EYA4: variants seen among roughly 807,000 people sequenced by gnomAD.
EYA4 encodes the protein protein phosphatase EYA4.
EYA4 carries 31 observed loss-of-function variants against 87.9 expected under a neutral mutation model. The ratio of observed to expected loss-of-function variants is 0.35; its 90% CI spans 0.27 to 0.48. The LOEUF (loss-of-function observed/expected upper bound fraction) is 0.48. Among genes scored for constraint, EYA4 ranks in the 20% least tolerant of loss-of-function variants. The probability of loss-of-function intolerance (pLI) is 0.99; values close to 1 mark genes in which losing one functional copy is unlikely to be tolerated. For synonymous variants in EYA4, 263 were observed against 270.6 expected, an observed-to-expected ratio of 0.97 and a Z score of 0.28; for missense variants, 678 against 761.4, an observed-to-expected ratio of 0.89 and a Z score of 1.29.
At chr6:133,356,026 G>A (rs1783994771) in intron 2 of EYA4, among the ~76,000 whole-genome samples, 1 of 145,210 alleles carries the variant, frequency 6.9e-6, no homozygotes, top group Admixed American at 6.8e-5. Context: ...GGTTAGGGGT[G>A]GGGAGAGAGA....
At chr6:133,301,110 C>T (rs1011554547) in intron 2 of EYA4, among the ~76,000 whole-genome samples, 1 of 151,950 alleles carries the variant, frequency 6.6e-6, no homozygotes, top group Admixed American at 6.6e-5. Flanking sequence ...CGCTGATGAA[C>T]AGGATGTGTG....
At chr6:133,508,395 A>AT (rs1162769357) in intron 14 of EYA4, among the ~76,000 whole-genome samples, 2 of 152,146 alleles carry the variant, frequency 1.3e-5, no homozygotes, top group African/African-American at 4.8e-5. Context: ...CACAACTTGA[A>AT]TTTTTTACAT....
intron 3 of EYA4, among the ~76,000 whole-genome samples, chr6:133,397,527 A>G (rs1387023031): frequency 6.6e-6 from 1 of 152,208 alleles, no homozygotes; most frequent in African/African-American, 2.4e-5. Context: ...TTTGAGGAAT[A>G]TTGGGAATAG....
intron 2 of EYA4, among the ~76,000 whole-genome samples, chr6:133,302,040 G>A (rs995933245): frequency 4.6e-5 from 7 of 152,104 alleles, no homozygotes; most frequent in Non-Finnish European, 8.8e-5. Flanking sequence ...CCAGATATTC[G>A]GGGAAGTGAG....
At chr6:133,361,807 T>C (rs1216831364) in intron 2 of EYA4, among the ~76,000 whole-genome samples, 2 of 152,172 alleles carry the variant, frequency 1.3e-5, no homozygotes, top group African/African-American at 4.8e-5. Context: ...GGAGAGATGA[T>C]TGTAATCCAA....
chr6:133,252,272 G>T (rs867164483), intron 1 of EYA4, among the ~76,000 whole-genome samples: 1 of 152,184 alleles, frequency 6.6e-6, no homozygotes, highest in African/African-American at 2.4e-5. Flanking sequence ...AACTGCTGAA[G>T]ATTAAAATAC....
intron 19 of EYA4, chr6:133,525,840 T>C: frequency 2.2e-6 from 2 of 920,712 alleles, no homozygotes; most frequent in Non-Finnish European, 2.6e-6. Context: ...GAGATTTTAA[T>C]AAGTGCTACT....
At position 133,356,746 on chromosome 6, in the gene EYA4, AGTGTGTGTGTGTGTGT is replaced by A. The variant is rs58234857; in HGVS notation, c.34-25615_34-25600del. Among the ~76,000 whole-genome samples, 448 of 136,858 alleles carry A rather than the reference AGTGTGTGTGTGTGTGT, an allele frequency of 3.3e-3. 2 individuals are homozygous for A. Among genetic ancestry groups the A allele is most frequent in the African/African-American group, 0.01 (368 of 36,464 alleles). 89.8% of individuals were successfully genotyped at this position (136,858 alleles called of 152,430 possible). A position where few individuals can be genotyped will look rare whatever the true frequency, so the allele number is the denominator to read the frequency against. The stretch of plus-strand genomic sequence containing the variant: ...CATTTGAAGTGTCAAAGCATTATTC[AGTGTGTGTGTGTGTGT>A]GTGTGTGTGTGTGTGTGTGTGTGTG... On this transcript the variant is annotated intron_variant, in intron 2 of 19. Transcript: ENST00000355286.
intron 2 of EYA4, among the ~76,000 whole-genome samples, chr6:133,286,790 T>A (rs1229740519): frequency 1.3e-5 from 2 of 152,218 alleles, no homozygotes; most frequent in Non-Finnish European, 2.9e-5. Flanking sequence ...TTTCATTGCT[T>A]TGTTTGTAGA....
At chr6:133,434,997 G>GA (rs1346075488) in intron 3 of EYA4, 2 of 152,164 alleles carry the variant, frequency 1.3e-5, no homozygotes, top group African/African-American at 2.4e-5. Context: ...ATAATGCTTG[G>GA]AAAATCCATT....
rs757084701 is a variant in EYA4, at chr6:133,525,036, G to A, written c.1739-118G>A. 68 of 1,613,396 alleles carry A rather than the reference G, an allele frequency of 4.2e-5. No individual in the cohort carries two copies. Among genetic ancestry groups the A allele is most frequent in the Middle Eastern group, 1.6e-4 (1 of 6,078 alleles). On this transcript the variant is annotated intron_variant, in intron 18 of 19. Transcript: ENST00000355286. ...TCAGGCAAGGAAAGCTGTTTTGAGC[G>A]TATAGTGTCCAGATTTGGCACTAAC... is the stretch of plus-strand genomic sequence containing the variant.
intron 11 of EYA4, among the ~76,000 whole-genome samples, chr6:133,479,947 A>AGAT (rs1796063515): frequency 6.6e-6 from 1 of 152,194 alleles, no homozygotes; most frequent in South Asian, 2.1e-4. Context: ...TCAGAGTTTT[A>AGAT]GATATCTATG....
At chr6:133,420,057 GA>G (rs1183659831) in intron 3 of EYA4, among the ~76,000 whole-genome samples, 1 of 152,036 alleles carries the variant, frequency 6.6e-6, no homozygotes, top group African/African-American at 2.4e-5. Context: ...AAAGCTGTAG[GA>G]ACCTATTTGG....
intron 1 of EYA4, among the ~76,000 whole-genome samples, chr6:133,243,101 T>TGTGC (rs927283001): frequency 4.6e-5 from 7 of 151,374 alleles, no homozygotes; most frequent in African/African-American, 1.7e-4. Context: ...TGTGTGTGTG[T>TGTGC]GTGTGTGTGT....
At chr6:133,326,642 C>G (rs1328284875) in intron 2 of EYA4, among the ~76,000 whole-genome samples, 1 of 152,226 alleles carries the variant, frequency 6.6e-6, no homozygotes. Context: ...CCTCCACCCT[C>G]TCGGGTTCAC....
chr6:133,531,079 A>G lies in EYA4; in HGVS notation c.*2274A>G, dbSNP rs1800982667. 1 of 1,415,486 alleles carries G rather than the reference A, an allele frequency of 7.1e-7. No individual in the cohort carries two copies. Among genetic ancestry groups the G allele is most frequent in the Non-Finnish European group, 9.2e-7 (1 of 1,087,514 alleles). The allele number at this position is 1,415,486 out of a possible 1,614,324, so 87.7% of individuals were successfully genotyped here. A position where few individuals can be genotyped will look rare whatever the true frequency, so the allele number is the denominator to read the frequency against. On this transcript the variant is annotated 3_prime_UTR_variant, in exon 20 of 20. Transcript: ENST00000355286. ...GTAAGTCTTTTCATATCAAACAAGC[A>G]AGGCTTTTTATGCTGCTAAGTCTGT...
chr6:133,294,842 A>G (rs181915720), intron 2 of EYA4, among the ~76,000 whole-genome samples: 1 of 152,140 alleles, frequency 6.6e-6, no homozygotes, highest in African/African-American at 2.4e-5. Flanking sequence ...CGGCCTCCCA[A>G]AGTGCTGGGA....
At chr6:133,279,469 A>G (rs1294180048) in intron 2 of EYA4, among the ~76,000 whole-genome samples, 4 of 152,252 alleles carry the variant, frequency 2.6e-5, no homozygotes, top group Admixed American at 2.0e-4. Context: ...ATTTTTAAAT[A>G]TAATACATTT....
chr6:133,325,051 C>T (rs1286594510), intron 2 of EYA4, among the ~76,000 whole-genome samples: 2 of 151,824 alleles, frequency 1.3e-5, no homozygotes, highest in African/African-American at 4.8e-5. Context: ...GCTGGGACTA[C>T]AGTCGCCCAC....
Sources: allele counts gnomAD v4.1 joint callset (sites outside exome capture counted in the v4.1 genomes callset), GRCh38; gene constraint gnomAD v4.1.1; transcripts MANE v1.5; gene names NCBI Gene and HGNC (gene_info 2026-07-23, HGNC 2026-07-21).